DOCK3: variants seen among roughly 807,000 people sequenced by gnomAD.
DOCK3 encodes the protein dedicator of cytokinesis protein 3.
In DOCK3, 60 loss-of-function variants were observed where a neutral mutation model predicts 265.6. The observed-to-expected ratio is 0.23, with a 90% CI of 0.18 to 0.28. The LOEUF (loss-of-function observed/expected upper bound fraction) is 0.28, where lower values mean the gene tolerates loss of function less well. Among genes scored for constraint, DOCK3 ranks in the 10% least tolerant of loss-of-function variants. The pLI is 1.00. For synonymous variants in DOCK3, 881 were observed against 938.0 expected (o/e 0.94, Z 1.11); for missense variants, 1,981 against 2,594.3 (o/e 0.76, Z 5.14).
chr3:51,242,792 C>T (rs969477839), intron 21 of DOCK3, among the ~76,000 whole-genome samples: 8 of 152,172 alleles, frequency 5.3e-5, no homozygotes, highest in Non-Finnish European at 8.8e-5. Flanking sequence ...TGCACTCTTA[C>T]ATGCTAGCCC....
chr3:51,102,798 A>G (rs1039828844), intron 9 of DOCK3, among the ~76,000 whole-genome samples: 1 of 152,238 alleles, frequency 6.6e-6, no homozygotes, highest in Non-Finnish European at 1.5e-5. Flanking sequence ...AATATATACA[A>G]TTATGAGTTT....
chr3:51,221,525 A>G (rs1053952939), intron 14 of DOCK3, among the ~76,000 whole-genome samples: 29 of 152,246 alleles, frequency 1.9e-4, no homozygotes, highest in African/African-American at 6.3e-4. Flanking sequence ...TTAGTCTTTT[A>G]CAGAAAAGGT....
intron 3 of DOCK3, chr3:50,877,640 T>C (rs1268821269): frequency 2.3e-6 from 1 of 430,384 alleles, no homozygotes; most frequent in Non-Finnish European, 4.5e-6. Context: ...AGGGCTTCAA[T>C]GGCAGCCACT....
At chr3:50,799,718 G>A (rs917292596) in intron 2 of DOCK3, among the ~76,000 whole-genome samples, 3 of 152,042 alleles carry the variant, frequency 2.0e-5, no homozygotes, top group African/African-American at 4.8e-5. Flanking sequence ...TTGCCTGATT[G>A]CTCTGGCTAG....
At chr3:51,362,417 C>A in intron 48 of DOCK3, 110 bp from the exon 49 acceptor site, 1 of 1,402,512 alleles carries the variant, frequency 7.1e-7, no homozygotes, top group Non-Finnish European at 9.8e-7. Flanking sequence ...CAGGGGATAG[C>A]ATAAGGCACT....
At chr3:50,948,201 C>T (rs1378650286) in intron 5 of DOCK3, among the ~76,000 whole-genome samples, 2 of 150,954 alleles carry the variant, frequency 1.3e-5, no homozygotes, top group African/African-American at 4.9e-5. Context: ...GGACTACAGG[C>T]GACCACCACT....
At chr3:50,863,506 T>C (rs2047010098) in intron 3 of DOCK3, 2 of 502,774 alleles carry the variant, frequency 4.0e-6, no homozygotes, top group Non-Finnish European at 7.9e-6. Context: ...ACCCTTTCCA[T>C]GAGACTCCAG....
intron 20 of DOCK3, 143 bp downstream of exon 20, chr3:51,236,571 A>G: frequency 1.4e-6 from 1 of 733,206 alleles, no homozygotes; most frequent in Non-Finnish European, 2.2e-6. Flanking sequence ...CTGTCACCCA[A>G]GGAAGACCAA....
chr3:50,974,461 G>A (rs1160220220), intron 5 of DOCK3, among the ~76,000 whole-genome samples: 29 of 151,990 alleles, frequency 1.9e-4, no homozygotes, highest in Non-Finnish European at 3.8e-4. Flanking sequence ...GATATGCAGC[G>A]TTATTTCTGA....
intron 2 of DOCK3, among the ~76,000 whole-genome samples, chr3:50,811,593 C>G (rs1478268013): frequency 2.0e-5 from 3 of 152,186 alleles, no homozygotes; most frequent in African/African-American, 7.2e-5. Flanking sequence ...GGAATGCTTA[C>G]ATGCTGGTTG....
At chr3:51,142,926 G>T (rs758396542) in intron 9 of DOCK3, among the ~76,000 whole-genome samples, 9 of 151,270 alleles carry the variant, frequency 5.9e-5, no homozygotes, top group Non-Finnish European at 8.8e-5. Context: ...CTCTCTTGTT[G>T]CCCGGGCTGG....
intron 3 of DOCK3, chr3:50,881,219 A>G (rs2048002979): frequency 6.6e-6 from 1 of 152,218 alleles, no homozygotes; most frequent in Admixed American, 6.5e-5. Context: ...AACTGGCACA[A>G]GACAGGGATG....
Position 50,793,735 on chromosome 3 carries a change from CCTT to C in DOCK3, c.121+14980_121+14982del, listed in dbSNP as rs1208008028. Among the ~76,000 whole-genome samples the C allele has an allele frequency of 6.5e-4, 10 of 15,316 alleles. No individual in the cohort carries two copies. In the Non-Finnish European group the frequency reaches 0.047, roughly 71 times the overall value. 10.0% of individuals were successfully genotyped at this position (15,316 alleles called of 152,430 possible). On this transcript the variant is annotated intron_variant, in intron 2 of 52. Coordinates refer to ENST00000266037, the MANE Select transcript of DOCK3 (RefSeq NM_004947.5). ...TGAATGGTTTTTCATGTTTTCCTCT[CCTT>C]CTGTGCAACCTCTGATTTAGGTTAT...
intron 9 of DOCK3, among the ~76,000 whole-genome samples, chr3:51,137,756 A>G (rs1047812723): frequency 1.3e-5 from 2 of 152,244 alleles, no homozygotes; most frequent in Non-Finnish European, 2.9e-5. Flanking sequence ...TCATAAAAAC[A>G]ACTAAAGGTA....
intron 22 of DOCK3, among the ~76,000 whole-genome samples, chr3:51,256,230 G>A (rs186882817): frequency 1.3e-5 from 2 of 152,192 alleles, no homozygotes; most frequent in African/African-American, 4.8e-5. Flanking sequence ...GGGAGCTGTA[G>A]ACTGGAGCTG....
intron 1 of DOCK3, among the ~76,000 whole-genome samples, chr3:50,764,674 T>C (rs115189380): frequency 0.011 from 1,624 of 152,256 alleles, 40 homozygotes; most frequent in African/African-American, 0.036. Flanking sequence ...CTCAGTATGA[T>C]GACACATACC....
chr3:51,186,282 CT>C (rs2087597910), intron 12 of DOCK3, among the ~76,000 whole-genome samples: 2 of 152,298 alleles, frequency 1.3e-5, no homozygotes, highest in Admixed American at 1.3e-4. Flanking sequence ...CCTTTTGCCC[CT>C]GTCATAGAGA....
At chr3:50,977,176 T>C (rs182743943) in intron 5 of DOCK3, among the ~76,000 whole-genome samples, 20 of 149,956 alleles carry the variant, frequency 1.3e-4, no homozygotes, top group Non-Finnish European at 2.1e-4. Context: ...GTGAATTTGA[T>C]CCTGTAATGA....
chr3:51,024,937 G>A (rs1364281274), intron 5 of DOCK3, among the ~76,000 whole-genome samples: 3 of 152,182 alleles, frequency 2.0e-5, no homozygotes, highest in African/African-American at 7.2e-5. Context: ...AGGTCATGCA[G>A]CTGTTTTCTC....
Sources: allele counts gnomAD v4.1 joint callset (sites outside exome capture counted in the v4.1 genomes callset), GRCh38; gene constraint gnomAD v4.1.1; transcripts MANE v1.5; gene names NCBI Gene and HGNC (gene_info 2026-07-23, HGNC 2026-07-21).